The following ACTR3C variants were observed in gnomAD, a reference collection of about 807,000 sequenced individuals.
ACTR3C encodes actin-related protein 3C.
A neutral mutation model predicts 26.3 loss-of-function variants in ACTR3C; 18 were observed. The observed-to-expected ratio is 0.68, with a 90% CI of 0.47 to 1.01. ACTR3C has a LOEUF of 1.01. Ranked by LOEUF, ACTR3C falls within the 50% of genes least tolerant of loss-of-function variation. The pLI is 0.00. For synonymous variants in ACTR3C, 55 were observed against 94.5 expected (o/e 0.58, Z 2.42); for missense variants, 184 against 250.7 (o/e 0.73, Z 1.80).
the ACTR3C span, among the ~76,000 whole-genome samples, chr7:150,184,032 C>T: frequency 2.0e-5 from 3 of 150,686 alleles, no homozygotes; most frequent in African/African-American, 7.5e-5. Context: ...CCATGTGGAA[C>T]TGTGAGTCAA....
chr7:149,931,994 TA>T, the ACTR3C span, among the ~76,000 whole-genome samples: 1 of 152,204 alleles, frequency 6.6e-6, no homozygotes, highest in Non-Finnish European at 1.5e-5. Context: ...AGAATGATTA[TA>T]AATCTAACAG....
At chr7:150,252,577 A>G (rs1416556156) in intron 6 of ACTR3C, among the ~76,000 whole-genome samples, 1 of 152,250 alleles carries the variant, frequency 6.6e-6, no homozygotes, top group East Asian at 1.9e-4. Context: ...GAGTAGATTT[A>G]TACTATATGA....
At chr7:150,053,799 T>A in the ACTR3C span, among the ~76,000 whole-genome samples, 3 of 152,242 alleles carry the variant, frequency 2.0e-5, no homozygotes, top group East Asian at 5.8e-4. Context: ...AAAACTTGAC[T>A]TCACTAAAAA....
the ACTR3C span, among the ~76,000 whole-genome samples, chr7:149,920,764 G>GTTTGT: frequency 6.7e-6 from 1 of 148,802 alleles, no homozygotes; most frequent in African/African-American, 2.5e-5. Context: ...TCTTTTAGGG[G>GTTTGT]TTTGTTTTGT....
At chr7:150,198,783 C>T in the ACTR3C span, among the ~76,000 whole-genome samples, 7 of 133,022 alleles carry the variant, frequency 5.3e-5, no homozygotes, top group South Asian at 2.3e-4. Flanking sequence ...CCTGGCCAGC[C>T]GTGCCGTCCG....
intron 6 of ACTR3C, among the ~76,000 whole-genome samples, chr7:150,271,619 T>TGC (rs1834457769): frequency 6.8e-6 from 1 of 146,558 alleles, no homozygotes; most frequent in African/African-American, 2.7e-5. Context: ...AAGTCTTTGC[T>TGC]ATTATGAACA....
the ACTR3C span, among the ~76,000 whole-genome samples, chr7:150,003,351 G>C: frequency 6.6e-6 from 1 of 152,138 alleles, no homozygotes; most frequent in East Asian, 1.9e-4. Context: ...TGGAATGTGT[G>C]GTATGTGGTG....
the ACTR3C span, among the ~76,000 whole-genome samples, chr7:150,194,477 T>C: frequency 6.0e-5 from 9 of 149,304 alleles, 1 homozygote; most frequent in Admixed American, 2.7e-4. Flanking sequence ...GTTGGATTTC[T>C]CAAAAAGAGC....
chr7:149,910,956 T>C, the ACTR3C span, among the ~76,000 whole-genome samples: 686 of 151,856 alleles, frequency 4.5e-3, 4 homozygotes, highest in Middle Eastern at 0.017. Flanking sequence ...CTGAGACTCC[T>C]CAGGCCTACA....
At chr7:149,937,945 G>A in the ACTR3C span, among the ~76,000 whole-genome samples, 465 of 152,200 alleles carry the variant, frequency 3.1e-3, 1 homozygote, top group African/African-American at 0.01. Flanking sequence ...CAGTCCCAGC[G>A]GGGAATGGGA....
chr7:150,113,139 G>A, the ACTR3C span, among the ~76,000 whole-genome samples: 8 of 151,746 alleles, frequency 5.3e-5, no homozygotes, highest in African/African-American at 7.3e-5. Context: ...TCCGACGGTG[G>A]CTGACCCTAG....
the ACTR3C span, among the ~76,000 whole-genome samples, chr7:150,037,962 G>T: frequency 1.4e-5 from 2 of 140,424 alleles, no homozygotes; most frequent in African/African-American, 5.3e-5. Flanking sequence ...AAAGAGCCAG[G>T]GGAGGAAAGG....
chr7:150,276,539 C>T (rs1834899832), intron 6 of ACTR3C, among the ~76,000 whole-genome samples: 1 of 152,220 alleles, frequency 6.6e-6, no homozygotes, highest in Non-Finnish European at 1.5e-5. Context: ...GTCTAAAATA[C>T]GGGCTGTTAT....
chr7:150,012,772 G>A, the ACTR3C span, among the ~76,000 whole-genome samples: 4 of 151,134 alleles, frequency 2.6e-5, no homozygotes, highest in African/African-American at 7.3e-5. Context: ...AGGTTAGATC[G>A]CCTCTCTCCA....
chr7:150,194,617 A>G, the ACTR3C span, among the ~76,000 whole-genome samples: 1 of 152,050 alleles, frequency 6.6e-6, no homozygotes, highest in South Asian at 2.1e-4. Flanking sequence ...GCTCTTTTCA[A>G]GTTGTTCCAT....
the ACTR3C span, among the ~76,000 whole-genome samples, chr7:150,090,321 C>T: frequency 6.6e-6 from 1 of 152,234 alleles, no homozygotes; most frequent in East Asian, 1.9e-4. Context: ...CATGCCAGAG[C>T]CCTCTGGGCT....
At chr7:150,240,166 T>A (rs192675863), downstream of ACTR3C, among the ~76,000 whole-genome samples, 1 of 152,368 alleles carries the variant, frequency 6.6e-6, no homozygotes. Context: ...ACATTTAGCA[T>A]ATGAGTTATC....
chr7:149,991,317 G>T, the ACTR3C span, among the ~76,000 whole-genome samples: 5 of 152,204 alleles, frequency 3.3e-5, no homozygotes, highest in South Asian at 2.1e-4. Context: ...AGATTTGGGT[G>T]GGCACACAGC....
the ACTR3C span, among the ~76,000 whole-genome samples, chr7:150,036,263 C>G: frequency 0.016 from 1,888 of 119,174 alleles, no homozygotes; most frequent in African/African-American, 0.022. Flanking sequence ...GCCCAAGAAT[C>G]AGCTTATTTG....
Sources: allele counts gnomAD v4.1 joint callset (sites outside exome capture counted in the v4.1 genomes callset), GRCh38; gene constraint gnomAD v4.1.1; transcripts MANE v1.5; gene names NCBI Gene and HGNC (gene_info 2026-07-23, HGNC 2026-07-21).